DOP1A: variants seen among roughly 807,000 people sequenced by gnomAD.
DOP1A encodes the protein DOP1 leucine zipper like protein A, also known as protein DOP1A.
DOP1A carries 90 observed loss-of-function variants against 267.6 expected under a neutral mutation model. That is an observed-to-expected ratio of 0.34 (90% confidence interval 0.28 to 0.40). The LOEUF (loss-of-function observed/expected upper bound fraction) is 0.40. Ranked by LOEUF, DOP1A falls within the 10% of genes least tolerant of loss-of-function variation. The pLI is 1.00. For synonymous variants in DOP1A, 932 were observed against 999.1 expected (o/e 0.93, Z 1.27); for missense variants, 2,437 against 2,900.4 (o/e 0.84, Z 3.67).
chr6:83,168,367 T>C lies in DOP1A; in HGVS notation c.*200T>C. On this transcript the variant is annotated 3_prime_UTR_variant, in exon 39 of 39. Transcript: ENST00000349129. ...TTAAATATTGTTGGCTCATACTGAT[T>C]ATGGTGCCTAAGAGAGCTATATATA... 7.2e-7 allele frequency: 1 copy of C among 1,385,662 alleles called. No homozygotes were observed. The highest frequency in any genetic ancestry group is 9.3e-7 in the Non-Finnish European group (1 of 1,073,192). 85.8% of individuals were successfully genotyped at this position (1,385,662 alleles called of 1,614,324 possible).
intron 38 of DOP1A, chr6:83,166,112 G>C: frequency 2.4e-6 from 1 of 421,922 alleles, no homozygotes; most frequent in African/African-American, 2.0e-5. Flanking sequence ...TTGTTGCATA[G>C]AATAGAGAAA....
rs1040485136 is a variant in DOP1A at position 83,121,324 on chromosome 6, T to G, written c.1099+533T>G. 2.5e-4 allele frequency among the ~76,000 whole-genome samples: 38 copies of G among 151,776 alleles called. 1 individual carries two copies. The highest frequency in any genetic ancestry group is 6.6e-5 in the Admixed American group (1 of 15,218). On this transcript the variant is annotated intron_variant, in intron 10 of 38. Transcript: ENST00000349129. ...ATATACAGATGTTTTAGCAGGTGTC[T>G]TCTCACCATTTTTTAAACATGAAAA...
Position 83,168,211 on chromosome 6 carries a change from T to C in DOP1A, c.*44T>C, listed in dbSNP as rs1786327989. On this transcript the variant is annotated 3_prime_UTR_variant, in exon 39 of 39. Coordinates refer to ENST00000349129, the MANE Select transcript of DOP1A (RefSeq NM_015018.4). The stretch of plus-strand genomic sequence containing the variant: ...TTTAGCTTACATGTAAATGTAATTA[T>C]TTAAAACACACACACTGCTCTGCGT... 6.4e-7 allele frequency: 1 copy of C among 1,568,474 alleles called. No individual in the cohort carries two copies. The highest frequency in any genetic ancestry group is 1.4e-5 in the African/African-American group (1 of 73,080).
intron 20 of DOP1A, among the ~76,000 whole-genome samples, chr6:83,136,760 C>CA (rs777417766): frequency 6.6e-6 from 1 of 152,076 alleles, no homozygotes; most frequent in Non-Finnish European, 1.5e-5. Flanking sequence ...GCTGAATTCT[C>CA]ACCTCCCCTC....
At chr6:83,086,643 A>T (rs1053609327) in intron 1 of DOP1A, among the ~76,000 whole-genome samples, 1 of 152,214 alleles carries the variant, frequency 6.6e-6, no homozygotes, top group Non-Finnish European at 1.5e-5. Flanking sequence ...AAAACAAGGT[A>T]TTGAATACTG....
At chr6:83,117,984 T>TCA (rs1305643363) in intron 7 of DOP1A, among the ~76,000 whole-genome samples, 2 of 152,200 alleles carry the variant, frequency 1.3e-5, no homozygotes, top group African/African-American at 4.8e-5. Flanking sequence ...AGGACAAAGT[T>TCA]CACTGGTCTG....
intron 16 of DOP1A, 149 bp downstream of exon 16, chr6:83,129,657 C>A: frequency 1.4e-6 from 1 of 725,026 alleles, no homozygotes; most frequent in Non-Finnish European, 2.0e-6. Flanking sequence ...GAAATACTGT[C>A]ACTATGGGGA....
At chr6:83,082,616 G>T (rs1262406950) in intron 1 of DOP1A, among the ~76,000 whole-genome samples, 2 of 152,118 alleles carry the variant, frequency 1.3e-5, no homozygotes, top group Non-Finnish European at 2.9e-5. Flanking sequence ...GGTTAATGAT[G>T]ATATGTTCTT....
downstream of DOP1A, chr6:83,170,244 A>G (rs1299085157): frequency 8.1e-6 from 12 of 1,478,100 alleles, no homozygotes; most frequent in East Asian, 2.5e-4. Flanking sequence ...AACCATTAAA[A>G]TAGTTTGCCT....
In DOP1A at chr6:83,109,991, A is replaced by G. The variant is rs971846986; in HGVS notation, c.492-134A>G. The G allele has an allele frequency of 7.9e-6, 7 of 889,420 alleles. No individual in the cohort carries two copies. The African/African-American group carries it at 1.0e-4, about 13-fold the overall frequency. 55.1% of individuals were successfully genotyped at this position (889,420 alleles called of 1,614,324 possible). ...CTAAAGTATATTCTTCTTTCAGTCT[A>G]TCACACTTGTTTCCAGGGTGGAACA... On this transcript the variant is annotated intron_variant, in intron 5 of 38. Coordinates refer to ENST00000349129, the MANE Select transcript of DOP1A (RefSeq NM_015018.4).
intron 6 of DOP1A, among the ~76,000 whole-genome samples, chr6:83,111,063 T>G (rs1337438624): frequency 6.6e-6 from 1 of 152,178 alleles, no homozygotes; most frequent in Non-Finnish European, 1.5e-5. Context: ...CTGATCTGTT[T>G]ACTGTTTCTA....
chr6:83,119,948 A>G (rs1462332538), intron 9 of DOP1A, 91 bp downstream of exon 9: 1 of 981,040 alleles, frequency 1.0e-6, no homozygotes, highest in African/African-American at 1.7e-5. Flanking sequence ...AATTGAATTC[A>G]CAGTTGAAGG....
intron 4 of DOP1A, among the ~76,000 whole-genome samples, chr6:83,107,295 G>T (rs190667234): frequency 2.4e-4 from 37 of 152,234 alleles, no homozygotes; most frequent in Admixed American, 2.0e-3. Context: ...GGACAGGCGG[G>T]TCATGGCCCT....
rs1211187404 is a variant in DOP1A at position 83,124,714 on chromosome 6, G to T, written c.1350G>T (p.Leu450=). The change falls in exon 13 of 39, where the codon CTG becomes CTT. Residue 450 remains leucine (L), a synonymous_variant. Coordinates refer to ENST00000349129, the MANE Select transcript of DOP1A (RefSeq NM_015018.4). ...RWFEECCRRT[L]HVRLQIGPGD... ...AATTTTGTCCTTTTAGGAGGACACTGCATGTGAGACTTCAGATTGGACCTG... is the reference window on the plus strand; with the variant it reads ...AATTTTGTCCTTTTAGGAGGACACTTCATGTGAGACTTCAGATTGGACCTG... 1 of 1,612,414 alleles carries T rather than the reference G, an allele frequency of 6.2e-7. No individual in the cohort carries two copies. The highest frequency in any genetic ancestry group is 8.5e-7 in the Non-Finnish European group (1 of 1,179,182).
chr6:83,137,356 T>C lies in DOP1A; in HGVS notation c.3314T>C (p.Ile1105Thr). The C allele has an allele frequency of 2.5e-6, 4 of 1,613,820 alleles. No individual in the cohort carries two copies. Among genetic ancestry groups the C allele is most frequent in the Non-Finnish European group, 3.4e-6 (4 of 1,179,800 alleles). Reference protein sequence around the residue: ...DFDLPDQQIEILQSSDSGCSQ... With the variant: ...DFDLPDQQIETLQSSDSGCSQ... ...GATCTTCCAGACCAACAGATAGAAA[T>C]ACTTCAGAGTTCTGACTCGGGATGT... Residue 1105 changes from isoleucine (I) to threonine (T), a missense_variant, in exon 21 of 39, where the codon ATA (isoleucine) becomes ACA (threonine). Around this residue, in one of 9 missense-constraint regions of DOP1A, gnomAD observed 878 missense variants for 992.9 expected, o/e 0.88. Coordinates refer to ENST00000349129, the MANE Select transcript of DOP1A (RefSeq NM_015018.4).
At chr6:83,067,990 G>C (rs540385595) in intron 1 of DOP1A, among the ~76,000 whole-genome samples, 1 of 152,332 alleles carries the variant, frequency 6.6e-6, no homozygotes, top group South Asian at 2.1e-4. Flanking sequence ...GCGGGGACTG[G>C]AGGGCCAGGG....
At chr6:83,129,630 C>A (rs1777721757) in intron 16 of DOP1A, 122 bp downstream of exon 16, 1 of 982,532 alleles carries the variant, frequency 1.0e-6, no homozygotes, top group Non-Finnish European at 1.4e-6. Flanking sequence ...TTTTAATTTG[C>A]AAGTTTTTTT....
At chr6:83,086,303 TAGTA>T (rs1385340417) in intron 1 of DOP1A, among the ~76,000 whole-genome samples, 1 of 151,940 alleles carries the variant, frequency 6.6e-6, no homozygotes, top group Admixed American at 6.6e-5. Context: ...GAAAAGAAAA[TAGTA>T]AGAAAACCAT....
chr6:83,075,012 C>T (rs1420743227), intron 1 of DOP1A, among the ~76,000 whole-genome samples: 2 of 152,132 alleles, frequency 1.3e-5, no homozygotes, highest in South Asian at 2.1e-4. Context: ...TACCACCTGT[C>T]TCCTAGGAAG....
Sources: allele counts gnomAD v4.1 joint callset (sites outside exome capture counted in the v4.1 genomes callset), GRCh38; gene constraint gnomAD v4.1.1; regional missense constraint gnomAD v4.1.1; transcripts MANE v1.5; gene names NCBI Gene and HGNC (gene_info 2026-07-23, HGNC 2026-07-21).